Variants in PRUNE2 observed in about 807,000 individuals in gnomAD.
PRUNE2 encodes the protein prune homolog 2 with BCH domain.
In PRUNE2, 164 loss-of-function variants were observed where a neutral mutation model predicts 252.0. The ratio of observed to expected loss-of-function variants is 0.65; its 90% CI spans 0.57 to 0.74. The LOEUF (loss-of-function observed/expected upper bound fraction) is 0.74, where lower values mean the gene tolerates loss of function less well. PRUNE2 is among the 30% of genes least tolerant of loss of function. The pLI is 0.00. For synonymous variants in PRUNE2, 1,292 were observed against 1,350.2 expected, an observed-to-expected ratio of 0.96 and a Z score of 0.94; for missense variants, 3,495 against 3,711.0, an observed-to-expected ratio of 0.94 and a Z score of 1.51.
At chr9:76,746,598 G>A (rs1370711443) in intron 6 of PRUNE2, among the ~76,000 whole-genome samples, 1 of 151,454 alleles carries the variant, frequency 6.6e-6, no homozygotes, top group African/African-American at 2.4e-5. Context: ...CCAGCTACTG[G>A]GGAGGCTGAG....
intron 1 of PRUNE2, among the ~76,000 whole-genome samples, chr9:76,899,963 A>T (rs893266576): frequency 5.3e-5 from 8 of 152,168 alleles, no homozygotes; most frequent in Admixed American, 2.0e-4. Context: ...AGGAGGTTTT[A>T]AGGGAGGGGT....
intron 4 of PRUNE2, among the ~76,000 whole-genome samples, chr9:76,839,192 TAGAG>T (rs1433108497): frequency 2.0e-5 from 3 of 152,158 alleles, no homozygotes; most frequent in African/African-American, 4.8e-5. Flanking sequence ...GTCATAAAAA[TAGAG>T]AGCACATAAA....
intron 4 of PRUNE2, 69 bp from the exon 5 acceptor site, chr9:76,826,801 G>A (rs2058370631): frequency 1.6e-6 from 2 of 1,259,996 alleles, no homozygotes; most frequent in East Asian, 2.5e-5. Flanking sequence ...AAGAAAATCA[G>A]TGTTTCCTGG....
intron 10 of PRUNE2, 21 bp from the exon 11 acceptor site, chr9:76,652,704 C>T (rs1847903274): frequency 6.6e-7 from 1 of 1,524,242 alleles, no homozygotes; most frequent in African/African-American, 1.4e-5. Flanking sequence ...AAGAGAACAG[C>T]AACATCAAGT....
chr9:76,858,916 G>A (rs2060407564), intron 1 of PRUNE2, among the ~76,000 whole-genome samples: 1 of 152,224 alleles, frequency 6.6e-6, no homozygotes, highest in South Asian at 2.1e-4. Flanking sequence ...AATAATTATT[G>A]CCTAATGTAT....
At chr9:76,620,700 G>T (rs1831921321) in intron 17 of PRUNE2, among the ~76,000 whole-genome samples, 1 of 152,028 alleles carries the variant, frequency 6.6e-6, no homozygotes, top group South Asian at 2.1e-4. Context: ...GGGAATATTT[G>T]GGAATTCCAG....
At chr9:76,764,979 T>A (rs73460248) in intron 6 of PRUNE2, among the ~76,000 whole-genome samples, 10,618 of 152,230 alleles carry the variant, frequency 0.07, 1,190 homozygotes, top group African/African-American at 0.23. Flanking sequence ...GCAGAGCAGA[T>A]TTAGAGAAAA....
At chr9:76,850,799 A>C (rs1456499591) in intron 2 of PRUNE2, 134 bp from the exon 3 acceptor site, 1 of 656,882 alleles carries the variant, frequency 1.5e-6, no homozygotes, top group Non-Finnish European at 2.6e-6. Flanking sequence ...TGGCATTCAT[A>C]ATCAAATTTT....
At position 76,704,855 on chromosome 9, in the gene PRUNE2, T is replaced by C; in HGVS notation, c.7419A>G (p.Ala2473=). ...TTGATGGAGACAAAATGTTGGAGCC[T>C]GCTCCTACCGGCAAATAAACGGACT... ...DPESVYLPVG[A]GSNILSPSNV... Residue 2473 remains alanine (A), a synonymous_variant, in exon 8 of 19, where the codon GCA becomes GCG. Coordinates refer to ENST00000376718, the MANE Select transcript of PRUNE2 (RefSeq NM_015225.3). 1.2e-5 allele frequency: 19 copies of C among 1,601,154 alleles called. No individual in the cohort carries two copies. Among genetic ancestry groups the C allele is most frequent in the Non-Finnish European group, 1.6e-5 (19 of 1,172,956 alleles).
At chr9:76,791,007 T>C (rs2055494695) in intron 6 of PRUNE2, among the ~76,000 whole-genome samples, 1 of 152,220 alleles carries the variant, frequency 6.6e-6, no homozygotes, top group South Asian at 2.1e-4. Context: ...TGATCTCACT[T>C]ATACGTGAAA....
intron 6 of PRUNE2, among the ~76,000 whole-genome samples, chr9:76,783,214 G>A (rs2054613482): frequency 1.3e-5 from 2 of 152,170 alleles, no homozygotes. Context: ...ACAGCTCACT[G>A]CAACCTCCGC....
Position 76,707,591 on chromosome 9 carries a change from G to A in PRUNE2, c.4683C>T (p.Gly1561=), listed in dbSNP as rs1318823302. The change falls in exon 8 of 19, where the codon GGC becomes GGT. Residue 1561 remains glycine, a synonymous_variant. Coordinates refer to ENST00000376718, the MANE Select transcript of PRUNE2 (RefSeq NM_015225.3). The part of the protein sequence containing the change: ...NDSSVALSSW[G]QQPSSGYQEE... Reference sequence around the variant, plus strand: ...CTTGATACCCAGAACTGGGTTGCTGGCCCCAGGAGGACAGTGCAACTGAAG... The same window carrying A: ...CTTGATACCCAGAACTGGGTTGCTGACCCCAGGAGGACAGTGCAACTGAAG... 6.2e-7 allele frequency: 1 copy of A among 1,613,868 alleles called. No individual in the cohort carries two copies. The highest frequency in any genetic ancestry group is 8.5e-7 in the Non-Finnish European group (1 of 1,179,876).
chr9:76,620,533 T>C (rs1230550450), intron 17 of PRUNE2, among the ~76,000 whole-genome samples: 1 of 152,210 alleles, frequency 6.6e-6, no homozygotes. Context: ...CTTAGTAATA[T>C]AATTTCACAA....
chr9:76,648,760 C>T (rs553926462), intron 11 of PRUNE2, among the ~76,000 whole-genome samples: 1 of 152,316 alleles, frequency 6.6e-6, no homozygotes, highest in East Asian at 1.9e-4. Flanking sequence ...TGCTTAAACA[C>T]ATAGAGTGCA....
At chr9:76,832,282 A>C (rs2058712686) in intron 4 of PRUNE2, among the ~76,000 whole-genome samples, 2 of 152,142 alleles carry the variant, frequency 1.3e-5, no homozygotes. Context: ...ACATATATTA[A>C]ATTGTTACCA....
chr9:76,619,652 C>T (rs1395471702), intron 17 of PRUNE2, among the ~76,000 whole-genome samples: 1 of 152,172 alleles, frequency 6.6e-6, no homozygotes, highest in Non-Finnish European at 1.5e-5. Flanking sequence ...CTCATTTTTC[C>T]CTGCCTTTTC....
intron 1 of PRUNE2, among the ~76,000 whole-genome samples, chr9:76,899,705 A>G (rs933676286): frequency 6.6e-6 from 1 of 152,232 alleles, no homozygotes; most frequent in South Asian, 2.1e-4. Flanking sequence ...CATTAATCGA[A>G]CAAACATGCC....
At chr9:76,681,552 C>A (rs1164323448) in intron 9 of PRUNE2, among the ~76,000 whole-genome samples, 1 of 152,014 alleles carries the variant, frequency 6.6e-6, no homozygotes, top group East Asian at 1.9e-4. Flanking sequence ...GGTGGACAGC[C>A]TGACAGGGAC....
chr9:76,762,381 G>A (rs1034945542), intron 6 of PRUNE2, among the ~76,000 whole-genome samples: 7 of 152,170 alleles, frequency 4.6e-5, no homozygotes, highest in South Asian at 2.1e-4. Flanking sequence ...CAGGAATGGC[G>A]GTTGCAGAAA....
Sources: allele counts gnomAD v4.1 joint callset (sites outside exome capture counted in the v4.1 genomes callset), GRCh38; gene constraint gnomAD v4.1.1; transcripts MANE v1.5; gene names NCBI Gene and HGNC (gene_info 2026-07-23, HGNC 2026-07-21).